NRG1: variants seen among roughly 807,000 people sequenced by gnomAD.
NRG1 encodes the protein neuregulin 1.
Under a neutral mutation model 63.8 loss-of-function variants are expected in NRG1, and 18 were observed. The observed-to-expected ratio is 0.28, with a 90% CI of 0.19 to 0.42. NRG1 has a LOEUF of 0.42. Among genes scored for constraint, NRG1 ranks in the 10% least tolerant of loss-of-function variants. The pLI is 1.00. For synonymous variants in NRG1, 302 were observed against 301.3 expected, an observed-to-expected ratio of 1.00 and a Z score of -0.02; for missense variants, 762 against 814.7, an observed-to-expected ratio of 0.94 and a Z score of 0.79.
intron 1 of NRG1, among the ~76,000 whole-genome samples, chr8:32,079,766 T>C (rs1827165041): frequency 1.3e-5 from 2 of 152,092 alleles, no homozygotes; most frequent in Non-Finnish European, 2.9e-5. Context: ...GGGCAATGGG[T>C]TTCTTCCCAC....
intron 1 of NRG1, among the ~76,000 whole-genome samples, chr8:32,356,382 T>C (rs1248816253): frequency 6.6e-6 from 1 of 151,140 alleles, no homozygotes. Flanking sequence ...TGAGTTTAGC[T>C]GGGAAAATAT....
intron 1 of NRG1, among the ~76,000 whole-genome samples, chr8:32,171,854 C>T (rs892679613): frequency 2.6e-5 from 4 of 152,086 alleles, no homozygotes; most frequent in Admixed American, 1.3e-4. Flanking sequence ...CCAGGAAGCT[C>T]GAACTGGGTG....
chr8:32,610,148 G>A (rs1846119568), intron 3 of NRG1, among the ~76,000 whole-genome samples: 2 of 152,010 alleles, frequency 1.3e-5, no homozygotes, highest in African/African-American at 4.8e-5. Flanking sequence ...TTTCCAAGAA[G>A]CTCATGGCTA....
chr8:31,948,773 C>G (rs886470386), intron 1 of NRG1, among the ~76,000 whole-genome samples: 2 of 25,884 alleles, frequency 7.7e-5, no homozygotes, highest in Admixed American at 6.1e-4. Context: ...GACTTGGCAG[C>G]CTGTAGGTGA....
intron 1 of NRG1, among the ~76,000 whole-genome samples, chr8:32,312,330 ATTTT>A (rs4035492): frequency 7.3e-4 from 65 of 89,168 alleles, no homozygotes; most frequent in South Asian, 1.2e-3. Context: ...TGCCCAGCTA[ATTTT>A]TTTTTTTTTT....
chr8:31,954,027 T>C (rs755704808), intron 1 of NRG1, among the ~76,000 whole-genome samples: 2 of 152,230 alleles, frequency 1.3e-5, no homozygotes, highest in East Asian at 1.9e-4. Flanking sequence ...TGGACCTTCA[T>C]AAATGGTCAC....
intron 1 of NRG1, among the ~76,000 whole-genome samples, chr8:32,378,801 G>A (rs185534051): frequency 1.4e-5 from 2 of 141,824 alleles, no homozygotes; most frequent in Non-Finnish European, 3.0e-5. Flanking sequence ...CCCAGAGTGT[G>A]TTGTTCCCCT....
chr8:32,499,354 AG>A (rs557899066), intron 1 of NRG1, among the ~76,000 whole-genome samples: 5 of 152,348 alleles, frequency 3.3e-5, no homozygotes, highest in African/African-American at 1.2e-4. Context: ...CCAGTTTTTG[AG>A]TCCAGAAGGC....
chr8:32,204,351 T>A (rs1212131431), intron 1 of NRG1, among the ~76,000 whole-genome samples: 1 of 152,202 alleles, frequency 6.6e-6, no homozygotes, highest in African/African-American at 2.4e-5. Context: ...AACAGCATGG[T>A]TTTACATGAA....
chr8:31,808,928 A>G (rs1034948878), intron 1 of NRG1, among the ~76,000 whole-genome samples: 2 of 151,988 alleles, frequency 1.3e-5, no homozygotes, highest in African/African-American at 4.8e-5. Context: ...GTTTTGTTGA[A>G]TCAGTAAGCT....
intron 1 of NRG1, among the ~76,000 whole-genome samples, chr8:32,037,385 A>G (rs570157886): frequency 6.6e-6 from 1 of 152,296 alleles, no homozygotes; most frequent in Admixed American, 6.5e-5. Context: ...CCTGTTGGGA[A>G]GTCTCACCGA....
At chr8:32,607,520 A>C (rs186805176) in intron 3 of NRG1, among the ~76,000 whole-genome samples, 2 of 152,324 alleles carry the variant, frequency 1.3e-5, no homozygotes, top group African/African-American at 4.8e-5. Flanking sequence ...TCTGATTTAC[A>C]GGATTAAGCA....
At chr8:32,770,125 C>T (rs1031086868), downstream of NRG1, among the ~76,000 whole-genome samples, 1 of 152,096 alleles carries the variant, frequency 6.6e-6, no homozygotes, top group African/African-American at 2.4e-5. Context: ...CTGCCCACCC[C>T]ACAGGATGCC....
chr8:31,785,380 C>T (rs769744292), intron 1 of NRG1, among the ~76,000 whole-genome samples: 7 of 152,126 alleles, frequency 4.6e-5, no homozygotes, highest in Admixed American at 2.0e-4. Context: ...ACCTCTCACC[C>T]TGTGCCAAAG....
chr8:32,460,813 C>CT (rs1342874589), intron 1 of NRG1, among the ~76,000 whole-genome samples: 3 of 151,428 alleles, frequency 2.0e-5, no homozygotes, highest in Admixed American at 1.3e-4. Flanking sequence ...TTTTTTTTGT[C>CT]TTTTGCCTCT....
chr8:32,521,758 C>A (rs529731090), intron 1 of NRG1, among the ~76,000 whole-genome samples: 35 of 152,168 alleles, frequency 2.3e-4, no homozygotes, highest in African/African-American at 6.3e-4. Context: ...AAAGCAGATT[C>A]AAGGATAGCT....
chr8:32,149,707 A>C (rs1279919128), intron 1 of NRG1, among the ~76,000 whole-genome samples: 1 of 152,234 alleles, frequency 6.6e-6, no homozygotes, highest in African/African-American at 2.4e-5. Context: ...AATGGCCACT[A>C]TCTGTCAGGA....
At chr8:32,414,045 G>A (rs117175770) in intron 1 of NRG1, among the ~76,000 whole-genome samples, 1 of 152,094 alleles carries the variant, frequency 6.6e-6, no homozygotes, top group Non-Finnish European at 1.5e-5. Context: ...GTTCTAGGAG[G>A]TTTGGGCTTA....
At chr8:32,748,861 G>A (rs1828093954) in intron 7 of NRG1, 1 of 303,610 alleles carries the variant, frequency 3.3e-6, no homozygotes, top group African/African-American at 2.3e-5. Context: ...AGTCTCCAGT[G>A]TCCCAAGCCC....
Sources: allele counts gnomAD v4.1 joint callset (sites outside exome capture counted in the v4.1 genomes callset), GRCh38; gene constraint gnomAD v4.1.1; transcripts MANE v1.5; gene names NCBI Gene and HGNC (gene_info 2026-07-23, HGNC 2026-07-21).